Variants in COP1 observed in about 807,000 individuals in gnomAD.
COP1 encodes COP1 E3 ubiquitin ligase, also known as E3 ubiquitin-protein ligase COP1.
Under a neutral mutation model 101.3 loss-of-function variants are expected in COP1, and 24 were observed. That is an observed-to-expected ratio of 0.24 (90% confidence interval 0.17 to 0.33). The LOEUF (loss-of-function observed/expected upper bound fraction) is 0.33. Among genes scored for constraint, COP1 ranks in the 10% least tolerant of loss-of-function variants. The pLI, the probability that COP1 is intolerant of heterozygous loss-of-function variation, is 1.00. For synonymous variants in COP1, 347 were observed against 341.9 expected (o/e 1.01, Z -0.17); for missense variants, 663 against 906.2 (o/e 0.73, Z 3.45).
At chr1:176,163,396 G>A (rs1694635117) in intron 4 of COP1, among the ~76,000 whole-genome samples, 1 of 152,090 alleles carries the variant, frequency 6.6e-6, no homozygotes, top group African/African-American at 2.4e-5. Context: ...TTTTGTTTTT[G>A]TTTGAATATA....
intron 5 of COP1, among the ~76,000 whole-genome samples, chr1:176,153,822 CTT>C (rs1359280012): frequency 2.6e-5 from 4 of 152,150 alleles, no homozygotes; most frequent in Non-Finnish European, 4.4e-5. Flanking sequence ...TGTTGAAAGT[CTT>C]TTCTGCATCT....
chr1:176,175,754 G>T (rs1696846561), intron 3 of COP1, among the ~76,000 whole-genome samples, 156 bp downstream of exon 3: 1 of 152,168 alleles, frequency 6.6e-6, no homozygotes, highest in Non-Finnish European at 1.5e-5. Flanking sequence ...ACAATGTATA[G>T]AATCTATGTC....
intron 11 of COP1, among the ~76,000 whole-genome samples, chr1:176,059,199 T>C (rs1674410599): frequency 6.6e-6 from 1 of 152,246 alleles, no homozygotes; most frequent in African/African-American, 2.4e-5. Flanking sequence ...ACTCACTATG[T>C]GGTTAATGTA....
intron 8 of COP1, among the ~76,000 whole-genome samples, chr1:176,120,973 T>C (rs1231928124): frequency 1.3e-5 from 2 of 152,106 alleles, no homozygotes; most frequent in Non-Finnish European, 2.9e-5. Context: ...ACAATAAATA[T>C]GGAATTATGA....
At chr1:176,127,214 A>C (rs1688144732) in intron 8 of COP1, among the ~76,000 whole-genome samples, 1 of 152,176 alleles carries the variant, frequency 6.6e-6, no homozygotes, top group Admixed American at 6.5e-5. Context: ...GAGAACATTT[A>C]AAATCCTCTC....
intron 15 of COP1, among the ~76,000 whole-genome samples, chr1:176,021,945 G>T (rs970338168): frequency 6.6e-6 from 1 of 152,094 alleles, no homozygotes; most frequent in African/African-American, 2.4e-5. Context: ...TAACTTTCGT[G>T]TTCACATCTT....
chr1:176,048,569 T>C (rs1671916894), intron 11 of COP1, among the ~76,000 whole-genome samples: 1 of 152,204 alleles, frequency 6.6e-6, no homozygotes, highest in African/African-American at 2.4e-5. Context: ...CATAGTCTCA[T>C]GTCACTGAAG....
At chr1:176,004,443 A>C (rs1047049811) in intron 15 of COP1, among the ~76,000 whole-genome samples, 2 of 126,244 alleles carry the variant, frequency 1.6e-5, no homozygotes, top group Non-Finnish European at 3.5e-5. Flanking sequence ...TTTCAAAGGG[A>C]ATGCTTCCAG....
intron 2 of COP1, among the ~76,000 whole-genome samples, chr1:176,181,791 G>A (rs1013694955): frequency 5.3e-5 from 8 of 151,826 alleles, no homozygotes; most frequent in East Asian, 1.9e-4. Flanking sequence ...TGCAGTGAGC[G>A]GAGATCGAGC....
chr1:175,953,550 G>A (rs1233640814), intron 18 of COP1, among the ~76,000 whole-genome samples: 1 of 151,822 alleles, frequency 6.6e-6, no homozygotes, highest in East Asian at 1.9e-4. Flanking sequence ...TTGAGACTAG[G>A]GGTTTGAGAT....
At chr1:175,952,091 A>G (rs751802017) in intron 18 of COP1, among the ~76,000 whole-genome samples, 20 of 152,206 alleles carry the variant, frequency 1.3e-4, no homozygotes, top group Non-Finnish European at 2.5e-4. Context: ...ATCAGCAAGA[A>G]TGCAAGCCAG....
At chr1:176,148,949 TG>T in intron 6 of COP1, 56 bp downstream of exon 6, 1 of 1,116,042 alleles carries the variant, frequency 9.0e-7, no homozygotes, top group South Asian at 1.7e-5. Context: ...TTTTACAAAA[TG>T]GGAACAGTTA....
Position 176,184,505 on chromosome 1 carries a change from T to C in COP1, c.467+128A>G, listed in dbSNP as rs1223720022. The C allele has an allele frequency of 7.2e-6, 5 of 691,474 alleles. No individual in the cohort carries two copies. The East Asian group carries it at 7.8e-5, about 11-fold the overall frequency. The allele number at this position is 691,474 out of a possible 1,614,324, so 42.8% of individuals were successfully genotyped here. A position where few individuals can be genotyped will look rare whatever the true frequency, so the allele number is the denominator to read the frequency against. On this transcript the variant is annotated intron_variant, in intron 2 of 19. Coordinates refer to ENST00000367669, the MANE Select transcript of COP1 (RefSeq NM_022457.7). Reference sequence around the variant, plus strand: ...TTAAACTGCCACATCTACAAAGACATGTCAAGAAAAAAAATATGACTGTAA... The same window carrying C: ...TTAAACTGCCACATCTACAAAGACACGTCAAGAAAAAAAATATGACTGTAA...
At chr1:176,003,360 T>C (rs1316698125) in intron 15 of COP1, among the ~76,000 whole-genome samples, 74 of 143,718 alleles carry the variant, frequency 5.1e-4, no homozygotes, top group African/African-American at 1.0e-3. Flanking sequence ...TTTAATTAGA[T>C]CCCATTTGTC....
At chr1:176,117,825 A>G (rs1021975147) in intron 8 of COP1, among the ~76,000 whole-genome samples, 4 of 151,992 alleles carry the variant, frequency 2.6e-5, no homozygotes, top group African/African-American at 9.7e-5. Flanking sequence ...AACTTGTGAG[A>G]CGGAGGTTGC....
chr1:176,031,397 CAAATTAATAAGAACACCTTT>C (rs1398533791), intron 14 of COP1, among the ~76,000 whole-genome samples: 1 of 152,046 alleles, frequency 6.6e-6, no homozygotes, highest in Non-Finnish European at 1.5e-5. Context: ...AGACAGTATA[CAAATTAATAAGAACACCTTT>C]ACTGTTACTT....
At chr1:176,136,711 C>T (rs1253015422) in intron 6 of COP1, among the ~76,000 whole-genome samples, 164 bp from the exon 7 acceptor site, 1 of 152,000 alleles carries the variant, frequency 6.6e-6, no homozygotes, top group African/African-American at 2.4e-5. Flanking sequence ...CAAAATATAG[C>T]TAGAAGTTCC....
At chr1:176,028,708 T>TATATATAC (rs1198820215) in intron 14 of COP1, among the ~76,000 whole-genome samples, 1 of 129,930 alleles carries the variant, frequency 7.7e-6, no homozygotes, top group Non-Finnish European at 1.7e-5. Flanking sequence ...TATATATATA[T>TATATATAC]ATATATATAT....
Position 176,162,902 on chromosome 1 carries a change from C to G in COP1, c.729G>C (p.Glu243Asp). The G allele has an allele frequency of 2.5e-6, 4 of 1,608,786 alleles. No homozygotes were observed. Among genetic ancestry groups the G allele is most frequent in the Non-Finnish European group, 2.5e-6 (3 of 1,177,526 alleles). Residue 243 changes from glutamate to aspartate, a missense_variant, in exon 5 of 20, where the codon GAG becomes GAC. Transcript: ENST00000367669. Reference protein sequence around the residue: ...LDLANVNLMLELLVQKKKQLE... With the variant: ...LDLANVNLMLDLLVQKKKQLE... ...GTTGTTTCTTCTTCTGCACTAGTAA[C>G]TCCAACATAAGATTGACATTGGCCA... is the stretch of plus-strand genomic sequence containing the variant.
Sources: gnomAD v4.1 joint callset for allele counts (sites outside exome capture counted in the v4.1 genomes callset) on GRCh38, gnomAD v4.1.1 for gene constraint, MANE v1.5 for transcripts, NCBI Gene and HGNC (gene_info 2026-07-23, HGNC 2026-07-21) for gene names.